PDE4D: variants seen among roughly 807,000 people sequenced by gnomAD.
PDE4D encodes 3',5'-cyclic-AMP phosphodiesterase 4D.
A neutral mutation model predicts 87.4 loss-of-function variants in PDE4D; 24 were observed. That is an observed-to-expected ratio of 0.27 (90% confidence interval 0.20 to 0.39). The LOEUF (loss-of-function observed/expected upper bound fraction) is 0.39. Among genes scored for constraint, PDE4D ranks in the 10% least tolerant of loss-of-function variants. The pLI is 1.00. For synonymous variants in PDE4D, 384 were observed against 383.2 expected, an observed-to-expected ratio of 1.00 and a Z score of -0.02; for missense variants, 714 against 1,041.0, an observed-to-expected ratio of 0.69 and a Z score of 4.32.
At chr5:59,224,894 C>T (rs558756110) in intron 1 of PDE4D, among the ~76,000 whole-genome samples, 6 of 152,274 alleles carry the variant, frequency 3.9e-5, no homozygotes, top group African/African-American at 1.2e-4. Flanking sequence ...TCTCAGCATC[C>T]AGAATTGTGA....
intron 1 of PDE4D, among the ~76,000 whole-genome samples, chr5:59,611,797 C>A (rs1829040302): frequency 6.6e-6 from 1 of 152,114 alleles, no homozygotes; most frequent in African/African-American, 2.4e-5. Flanking sequence ...GTCCTTATAC[C>A]TTTGTAAAAC....
chr5:59,031,707 CAAAAAAAA>C (rs70973183), intron 6 of PDE4D, among the ~76,000 whole-genome samples: 1 of 16,682 alleles, frequency 6.0e-5, no homozygotes, highest in Non-Finnish European at 1.0e-4. Context: ...GACTCCACCT[CAAAAAAAA>C]AAAAAAAAAA....
chr5:59,192,305 A>G (rs1010189829), intron 3 of PDE4D, among the ~76,000 whole-genome samples: 3 of 152,220 alleles, frequency 2.0e-5, no homozygotes. Flanking sequence ...TTTTTATAAT[A>G]TTATATTTTC....
At chr5:59,463,340 A>G (rs573175108) in intron 1 of PDE4D, among the ~76,000 whole-genome samples, 1 of 152,326 alleles carries the variant, frequency 6.6e-6, no homozygotes, top group East Asian at 1.9e-4. Flanking sequence ...GTTAACCTAG[A>G]AAGCTTCAAG....
At chr5:59,866,245 CTTA>C (rs1489427326) in intron 1 of PDE4D, among the ~76,000 whole-genome samples, 3 of 152,084 alleles carry the variant, frequency 2.0e-5, no homozygotes, top group African/African-American at 7.2e-5. Context: ...TATTGAAAAT[CTTA>C]TTATCTGGAT....
intron 1 of PDE4D, among the ~76,000 whole-genome samples, chr5:59,742,863 A>G (rs1462646716): frequency 1.3e-5 from 2 of 152,228 alleles, no homozygotes; most frequent in Non-Finnish European, 2.9e-5. Flanking sequence ...TGAGTGGGAA[A>G]CATAGTTAAT....
At chr5:60,225,114 AG>A (rs1031281823) in intron 1 of PDE4D, among the ~76,000 whole-genome samples, 1 of 151,938 alleles carries the variant, frequency 6.6e-6, no homozygotes, top group Non-Finnish European at 1.5e-5. Flanking sequence ...CTGCCTCCTC[AG>A]GGATCTCGGT....
chr5:59,299,557 C>T (rs1263030013), intron 1 of PDE4D, among the ~76,000 whole-genome samples: 2 of 152,036 alleles, frequency 1.3e-5, no homozygotes, highest in African/African-American at 4.8e-5. Context: ...TTTTGTGACA[C>T]CAAAGAAGAT....
chr5:60,019,842 T>A (rs561082127), intron 2 of PDE4D, among the ~76,000 whole-genome samples: 1 of 152,322 alleles, frequency 6.6e-6, no homozygotes, highest in South Asian at 2.1e-4. Context: ...TATTTTTCAA[T>A]TTCCTTCAAG....
intron 1 of PDE4D, among the ~76,000 whole-genome samples, chr5:59,426,205 G>GA (rs1795181082): frequency 6.6e-6 from 1 of 152,164 alleles, no homozygotes; most frequent in African/African-American, 2.4e-5. Context: ...ACAGCTTTTG[G>GA]AATTGTGAGA....
intron 1 of PDE4D, among the ~76,000 whole-genome samples, chr5:59,872,700 A>C (rs778895397): frequency 2.0e-5 from 3 of 152,202 alleles, no homozygotes; most frequent in Non-Finnish European, 4.4e-5. Flanking sequence ...GTTTGGTCTC[A>C]GGGAGTGTGC....
In PDE4D at chr5:59,156,060, G is replaced by A. The variant is rs527700771; in HGVS notation, c.808+24535C>T. 2.1e-4 allele frequency among the ~76,000 whole-genome samples: 32 copies of A among 152,130 alleles called. 1 individual carries two copies. Among genetic ancestry groups the A allele is most frequent in the Admixed American group, 1.7e-3 (26 of 15,266 alleles). On this transcript the variant is annotated intron_variant, in intron 5 of 14. Coordinates refer to ENST00000340635, the MANE Select transcript of PDE4D (RefSeq NM_001104631.2). ...TAACTGTCAAGTGCTCTGAGAGTCC[G>A]ATGAGGTGACAGGTCTTGACTTTGT...
At chr5:59,202,861 C>T (rs1276886853) in intron 2 of PDE4D, among the ~76,000 whole-genome samples, 1 of 152,172 alleles carries the variant, frequency 6.6e-6, no homozygotes, top group African/African-American at 2.4e-5. Flanking sequence ...GTAAATTGCC[C>T]AGTCTCAGAT....
chr5:59,725,457 A>C (rs1455787749), intron 1 of PDE4D, among the ~76,000 whole-genome samples: 1 of 152,156 alleles, frequency 6.6e-6, no homozygotes, highest in Non-Finnish European at 1.5e-5. Context: ...ACCAAGCAAA[A>C]AAGAGTACGT....
chr5:59,803,499 A>G (rs1034685757), intron 1 of PDE4D, among the ~76,000 whole-genome samples: 3 of 151,972 alleles, frequency 2.0e-5, no homozygotes, highest in Non-Finnish European at 4.4e-5. Flanking sequence ...GGGTTTCACC[A>G]TGGTGGCCAG....
At chr5:59,146,927 T>G (rs892118957) in intron 5 of PDE4D, among the ~76,000 whole-genome samples, 4 of 152,132 alleles carry the variant, frequency 2.6e-5, no homozygotes, top group Admixed American at 2.6e-4. Context: ...CATGGCCTGT[T>G]AGGAACCTGG....
chr5:59,070,075 G>A (rs1159548453), intron 5 of PDE4D, among the ~76,000 whole-genome samples: 3 of 152,212 alleles, frequency 2.0e-5, no homozygotes, highest in South Asian at 2.1e-4. Flanking sequence ...GATAGTTTTT[G>A]AGAAATATTA....
At chr5:59,798,950 T>C (rs896126259) in intron 1 of PDE4D, among the ~76,000 whole-genome samples, 1 of 152,158 alleles carries the variant, frequency 6.6e-6, no homozygotes, top group Admixed American at 6.5e-5. Flanking sequence ...GATCAAGGAT[T>C]CATAAAAGCT....
chr5:60,362,375 G>C (rs544840522), intron 1 of PDE4D, among the ~76,000 whole-genome samples: 4 of 152,192 alleles, frequency 2.6e-5, no homozygotes, highest in Admixed American at 6.5e-5. Context: ...TATTTACAAG[G>C]ATTTCATATT....
Sources: gnomAD v4.1 joint callset for allele counts (sites outside exome capture counted in the v4.1 genomes callset) on GRCh38, gnomAD v4.1.1 for gene constraint, MANE v1.5 for transcripts, NCBI Gene and HGNC (gene_info 2026-07-23, HGNC 2026-07-21) for gene names.